Variants in CGNL1 observed in about 807,000 individuals in gnomAD.
The protein encoded by CGNL1 is cingulin like 1.
A neutral mutation model predicts 141.2 loss-of-function variants in CGNL1; 132 were observed. The observed-to-expected ratio is 0.93, with a 90% confidence interval of 0.81 to 1.08. The LOEUF (loss-of-function observed/expected upper bound fraction) is 1.08, where lower values mean the gene tolerates loss of function less well. Ranked by LOEUF, CGNL1 falls within the 50% of genes least tolerant of loss-of-function variation. The probability of loss-of-function intolerance (pLI) is 0.00; values close to 1 mark genes in which losing one functional copy is unlikely to be tolerated. For synonymous variants in CGNL1, 690 were observed against 622.1 expected (o/e 1.11, Z -1.63); for missense variants, 1,870 against 1,588.6 (o/e 1.18, Z -3.01).
At chr15:57,464,945 T>A (rs764657933) in intron 8 of CGNL1, among the ~76,000 whole-genome samples, 50 of 151,994 alleles carry the variant, frequency 3.3e-4, no homozygotes, top group Non-Finnish European at 5.6e-4. Flanking sequence ...AGAGATGGGC[T>A]TTCGTCGTGT....
At chr15:57,500,481 C>T (rs181592246) in intron 8 of CGNL1, among the ~76,000 whole-genome samples, 444 of 152,338 alleles carry the variant, frequency 2.9e-3, no homozygotes, top group Middle Eastern at 6.8e-3. Context: ...GTTTGCTCAT[C>T]TGGAAAATGA....
intron 1 of CGNL1, among the ~76,000 whole-genome samples, chr15:57,379,503 G>T (rs925115352): frequency 6.6e-6 from 1 of 152,304 alleles, no homozygotes; most frequent in East Asian, 1.9e-4. Context: ...GTGCTGATGG[G>T]TGAGGGAGAG....
intron 8 of CGNL1, among the ~76,000 whole-genome samples, chr15:57,470,254 CTCT>C (rs2063563721): frequency 2.9e-5 from 1 of 34,544 alleles, no homozygotes; most frequent in Admixed American, 3.1e-4. Flanking sequence ...TTTTTTGTCT[CTCT>C]TTTTTTTTTT....
chr15:57,498,245 GTTT>G (rs56793548), intron 8 of CGNL1, among the ~76,000 whole-genome samples: 3 of 101,080 alleles, frequency 3.0e-5, no homozygotes, highest in South Asian at 4.2e-4. Flanking sequence ...TGGGGAAACA[GTTT>G]TTTTTTTTTT....
intron 1 of CGNL1, among the ~76,000 whole-genome samples, chr15:57,428,947 C>G (rs2063011567): frequency 6.6e-6 from 1 of 151,952 alleles, no homozygotes; most frequent in African/African-American, 2.4e-5. Context: ...TGCTTGAACC[C>G]AGGAGGCAGA....
At chr15:57,462,259 T>G (rs1283025884) in intron 8 of CGNL1, among the ~76,000 whole-genome samples, 2 of 152,176 alleles carry the variant, frequency 1.3e-5, no homozygotes, top group Non-Finnish European at 2.9e-5. Context: ...TGGGCAGAAG[T>G]GCAGACGGGA....
At chr15:57,516,728 G>T in intron 8 of CGNL1, 52 bp from the exon 9 acceptor site, 1 of 1,566,976 alleles carries the variant, frequency 6.4e-7, no homozygotes, top group Non-Finnish European at 8.8e-7. Flanking sequence ...CCAGCCTGGG[G>T]ACAGCTCCTT....
chr15:57,404,317 AAC>A (rs1163379457), intron 1 of CGNL1, among the ~76,000 whole-genome samples: 22 of 152,238 alleles, frequency 1.4e-4, no homozygotes, highest in Admixed American at 3.3e-4. Flanking sequence ...AAAAAAGCAG[AAC>A]AGCATCTTCA....
chr15:57,480,449 G>T (rs1346408821), intron 8 of CGNL1, among the ~76,000 whole-genome samples: 1 of 152,154 alleles, frequency 6.6e-6, no homozygotes, highest in East Asian at 1.9e-4. Context: ...GAACTCAGGA[G>T]GCGGAGGTTG....
chr15:57,424,293 C>A (rs74019111), intron 1 of CGNL1, among the ~76,000 whole-genome samples: 1 of 152,166 alleles, frequency 6.6e-6, no homozygotes, highest in East Asian at 1.9e-4. Context: ...CCCTTCCCAG[C>A]GAGGGCTTCC....
At position 57,472,689 on chromosome 15, in the gene CGNL1, T is replaced by C. The variant is rs74016216; in HGVS notation, c.2403+10797T>C. Reference sequence around the variant, plus strand: ...GGAGAAAGGGATGGGAATAGGATTATGTAGGGCCCCATTTTCCTTATGAGT... The same window carrying C: ...GGAGAAAGGGATGGGAATAGGATTACGTAGGGCCCCATTTTCCTTATGAGT... On this transcript the variant is annotated intron_variant, in intron 8 of 18. Transcript: ENST00000281282. Among the ~76,000 whole-genome samples, 467 of 152,296 alleles carry C rather than the reference T, an allele frequency of 3.1e-3. 2 individuals carry two copies. The highest frequency in any genetic ancestry group is 0.01 in the African/African-American group (434 of 41,558).
At position 57,516,808 on chromosome 15, in the gene CGNL1, A is replaced by G. The variant is rs2030839363; in HGVS notation, c.2432A>G (p.Asn811Ser). 6.2e-7 allele frequency: 1 copy of G among 1,614,196 alleles called. No homozygotes were observed. Among genetic ancestry groups the G allele is most frequent in the Non-Finnish European group, 8.5e-7 (1 of 1,180,032 alleles). Residue 811 changes from asparagine (N) to serine (S), a missense_variant, in exon 9 of 19, where the codon AAC becomes AGC. Physicochemically the swap from Asn to Ser is conservative, Grantham distance 46. Transcript: ENST00000281282. ...KNVEVLASRSNTSEQDQAGTE... is the reference protein window; with the variant it reads ...KNVEVLASRSSTSEQDQAGTE... ...GTCGAGGTCTTGGCGAGCAGGAGCA[A>G]CACTTCAGAGCAAGACCAGGCGGGG...
At chr15:57,393,650 C>T (rs192466985) in intron 1 of CGNL1, among the ~76,000 whole-genome samples, 2 of 150,866 alleles carry the variant, frequency 1.3e-5, no homozygotes, top group East Asian at 2.0e-4. Context: ...AGAGTAGCCC[C>T]GAGTTAAATT....
rs781573402 is a variant in CGNL1 at position 57,438,587 on chromosome 15, C to A, written c.588C>A (p.Ser196Arg). 6.2e-7 allele frequency: 1 copy of A among 1,613,696 alleles called. No homozygotes were observed. The highest frequency in any genetic ancestry group is 1.1e-5 in the South Asian group (1 of 91,084). ...KKPWTCFPKP[S>R]NSQPTSPSLE... ...CTTGGACTTGCTTTCCCAAACCTAG[C>A]AATTCCCAGCCTACCAGTCCCTCCT... Residue 196 changes from serine (S) to arginine (R), a missense_variant, in exon 2 of 19, where the codon AGC becomes AGA. Transcript: ENST00000281282.
intron 9 of CGNL1, among the ~76,000 whole-genome samples, chr15:57,517,583 G>T (rs1189286421): frequency 6.6e-6 from 1 of 152,212 alleles, no homozygotes; most frequent in Non-Finnish European, 1.5e-5. Flanking sequence ...ATTTCTCACA[G>T]TTCTGGAGGC....
At chr15:57,408,804 G>A (rs1350481186) in intron 1 of CGNL1, among the ~76,000 whole-genome samples, 1 of 152,130 alleles carries the variant, frequency 6.6e-6, no homozygotes, top group African/African-American at 2.4e-5. Context: ...GGGAGGCCGA[G>A]GCAGCGGGAT....
chr15:57,438,706 A>G lies in CGNL1; in HGVS notation c.707A>G (p.Asn236Ser). 1 of 1,614,156 alleles carries G rather than the reference A, an allele frequency of 6.2e-7. No homozygotes were observed. The change falls in exon 2 of 19, where the codon AAC (asparagine) becomes AGC (serine). Residue 236 changes from asparagine to serine, a missense_variant. Asn to Ser is a conservative substitution (Grantham distance 46). Coordinates refer to ENST00000281282, the MANE Select transcript of CGNL1 (RefSeq NM_032866.5). Reference sequence around the variant, plus strand: ...AAAAAGCAGACCTCAGTGTGTGTAAACGTTCAGAGCTGCACCAAGGAGAGG... The same window carrying G: ...AAAAAGCAGACCTCAGTGTGTGTAAGCGTTCAGAGCTGCACCAAGGAGAGG... ...DPKKQTSVCV[N>S]VQSCTKERVG... is the part of the protein sequence containing the mutation.
intron 8 of CGNL1, among the ~76,000 whole-genome samples, chr15:57,475,491 T>C (rs1474914158): frequency 9.3e-6 from 1 of 107,352 alleles, no homozygotes; most frequent in African/African-American, 3.7e-5. Context: ...TATACAAGTG[T>C]GGTGTGTGTG....
chr15:57,508,933 T>A (rs1167163400), intron 8 of CGNL1, among the ~76,000 whole-genome samples: 2 of 152,312 alleles, frequency 1.3e-5, no homozygotes, highest in African/African-American at 2.4e-5. Flanking sequence ...CCAGGGAAAT[T>A]AACAAATGAT....
Sources: allele counts gnomAD v4.1 joint callset (sites outside exome capture counted in the v4.1 genomes callset), GRCh38; gene constraint gnomAD v4.1.1; transcripts MANE v1.5; gene names NCBI Gene and HGNC (gene_info 2026-07-23, HGNC 2026-07-21).